The following NAT10 variants were observed in gnomAD, a reference collection of about 807,000 sequenced individuals.
The protein encoded by NAT10 is N-acetyltransferase 10.
In NAT10, 109 loss-of-function variants were observed where a neutral mutation model predicts 132.2. That is an observed-to-expected ratio of 0.82 (90% CI 0.71 to 0.97). NAT10 has a LOEUF of 0.97. Ranked by LOEUF, NAT10 falls within the 50% of genes least tolerant of loss-of-function variation. The pLI, the probability that NAT10 is intolerant of heterozygous loss-of-function variation, is 0.00. For synonymous variants in NAT10, 479 were observed against 478.0 expected (o/e 1.00, Z -0.03); for missense variants, 1,184 against 1,263.4 (o/e 0.94, Z 0.95).
At chr11:34,112,527 A>G (rs1408910892) in intron 4 of NAT10, among the ~76,000 whole-genome samples, 3 of 152,272 alleles carry the variant, frequency 2.0e-5, no homozygotes, top group Non-Finnish European at 2.9e-5. Flanking sequence ...GAGTGCCTCT[A>G]GGACCCTAGG....
intron 8 of NAT10, among the ~76,000 whole-genome samples, chr11:34,122,090 C>T (rs892784171): frequency 2.1e-4 from 32 of 151,970 alleles, no homozygotes; most frequent in Non-Finnish European, 4.6e-4. Flanking sequence ...GCAGGAAAAT[C>T]GCTTGAACCT....
chr11:34,137,867 G>C (rs1852246031), intron 21 of NAT10, among the ~76,000 whole-genome samples: 1 of 152,184 alleles, frequency 6.6e-6, no homozygotes, highest in Non-Finnish European at 1.5e-5. Context: ...AGTCAGCCCT[G>C]TTGAGAGGAT....
intron 11 of NAT10, among the ~76,000 whole-genome samples, chr11:34,126,107 A>G (rs780350577): frequency 6.6e-6 from 1 of 152,250 alleles, no homozygotes; most frequent in Non-Finnish European, 1.5e-5. Flanking sequence ...CCAATATAAC[A>G]TTCAGGCACC....
chr11:34,119,082 C>T (rs558700145), intron 8 of NAT10, among the ~76,000 whole-genome samples: 144 of 152,336 alleles, frequency 9.5e-4, no homozygotes, highest in African/African-American at 3.4e-3. Flanking sequence ...GGTTCCAGTG[C>T]GAGGCCTGAT....
At chr11:34,140,247 C>G (rs1852296092) in intron 23 of NAT10, among the ~76,000 whole-genome samples, 153 bp from the exon 24 acceptor site, 1 of 152,212 alleles carries the variant, frequency 6.6e-6, no homozygotes, top group South Asian at 2.1e-4. Context: ...ATGGCAGGAG[C>G]AGGTTTGGTG....
intron 7 of NAT10, 50 bp from the exon 8 acceptor site, chr11:34,118,346 T>C: frequency 6.2e-7 from 1 of 1,611,072 alleles, no homozygotes; most frequent in Non-Finnish European, 8.5e-7. Context: ...TTTTCTGTGT[T>C]GTTCCTCCTG....
At chr11:34,114,310 C>G (rs1287729834) in intron 5 of NAT10, among the ~76,000 whole-genome samples, 1 of 152,014 alleles carries the variant, frequency 6.6e-6, no homozygotes, top group Non-Finnish European at 1.5e-5. Flanking sequence ...GCAAAAGACA[C>G]TGACTGAGGA....
chr11:34,139,035 G>C (rs1300814584), intron 21 of NAT10, 156 bp from the exon 22 acceptor site: 11 of 622,804 alleles, frequency 1.8e-5, no homozygotes, highest in East Asian at 2.7e-5. Flanking sequence ...GTGAAGGCGA[G>C]GGCTGTTTGA....
In NAT10 at chr11:34,135,432, TTTAGATCC is replaced by T. The variant is rs1852191113; in HGVS notation, c.2028+143_2028+150del. On this transcript the variant is annotated intron_variant, in intron 19 of 28. Transcript: ENST00000257829. ...TCTGCTGCTTTCTCCTACCGAACAC[TTTAGATCC>T]TCAGATCAGTATCATTGGGATCATC... 3 of 670,322 alleles carry T rather than the reference TTTAGATCC, an allele frequency of 4.5e-6. No homozygotes were observed. In the African/African-American group the frequency reaches 5.4e-5, roughly 12 times the overall value. The allele number at this position is 670,322 out of a possible 1,614,324, so 41.5% of individuals were successfully genotyped here.
chr11:34,137,075 A>G (rs369055795), intron 21 of NAT10, 49 bp downstream of exon 21: 5 of 1,603,860 alleles, frequency 3.1e-6, no homozygotes, highest in Non-Finnish European at 4.3e-6. Flanking sequence ...CCGTTATGGT[A>G]GGTGACAGGC....
intron 21 of NAT10, among the ~76,000 whole-genome samples, chr11:34,137,831 C>T (rs889095195): frequency 3.9e-5 from 6 of 152,106 alleles, no homozygotes; most frequent in South Asian, 4.1e-4. Context: ...TGGTGTCACA[C>T]GTCAAGGTGA....
intron 5 of NAT10, among the ~76,000 whole-genome samples, chr11:34,114,388 C>CATA (rs1315304156): frequency 0.017 from 2,561 of 152,260 alleles, 51 homozygotes; most frequent in African/African-American, 0.058. Context: ...TCAGCGTTGC[C>CATA]AAGTCAGTGT....
rs777946161 is a variant in NAT10, at chr11:34,118,385, C to T, written c.673-11C>T. Reference sequence around the variant, plus strand: ...CAGTGACAGACCTTCCCCTTCTCCTCTCTCTGGTAGGATGAGAGTCTTGGT... The same window carrying T: ...CAGTGACAGACCTTCCCCTTCTCCTTTCTCTGGTAGGATGAGAGTCTTGGT... On this transcript the variant is annotated splice_polypyrimidine_tract_variant and intron_variant, in intron 7 of 28. Transcript: ENST00000257829. 1.9e-6 allele frequency: 3 copies of T among 1,613,538 alleles called. No homozygotes were observed. The African/African-American group carries it at 4.0e-5, about 22-fold the overall frequency.
intron 18 of NAT10, 123 bp downstream of exon 18, chr11:34,134,709 T>C (rs1852177422): frequency 1.2e-6 from 1 of 828,426 alleles, no homozygotes; most frequent in African/African-American, 1.7e-5. Flanking sequence ...ACTTCCCTGC[T>C]CTGGAGAATT....
chr11:34,134,541 T>C lies in NAT10; in HGVS notation c.1866T>C (p.Ser622=). Residue 622 remains serine, a synonymous_variant, in exon 18 of 29, where the codon TCT becomes TCC. Coordinates refer to ENST00000257829, the MANE Select transcript of NAT10 (RefSeq NM_024662.3). ...AAGATCCAGACTTTGGTGGTCTGTC[T>C]GGTGGAAGGGTCGTTCGCATTGCTG... ...QFQDPDFGGL[S]GGRVVRIAVH... is the part of the protein sequence containing the mutation. The C allele has an allele frequency of 6.2e-7, 1 of 1,614,178 alleles. No individual in the cohort carries two copies.
At position 34,120,206 on chromosome 11, in the gene NAT10, G is replaced by C. The variant is rs535992362; in HGVS notation, c.780+1703G>C. ...ATTTCCTCTGCCCACTTTTTACTTG[G>C]ATTTTGGCCTTTTTTGTATTGGTTC... On this transcript the variant is annotated intron_variant, in intron 8 of 28. Transcript: ENST00000257829. 1.9e-4 allele frequency among the ~76,000 whole-genome samples: 25 copies of C among 129,376 alleles called. No homozygotes were observed. The East Asian group carries it at 5.3e-3, about 27-fold the overall frequency. The allele number at this position is 129,376 out of a possible 152,430, so 84.9% of individuals were successfully genotyped here. A position where few individuals can be genotyped will look rare whatever the true frequency, so the allele number is the denominator to read the frequency against.
At chr11:34,144,115 A>G (rs143873762) in intron 28 of NAT10, among the ~76,000 whole-genome samples, 3 of 152,270 alleles carry the variant, frequency 2.0e-5, no homozygotes, top group African/African-American at 4.8e-5. Context: ...TTTGTTGGTT[A>G]TATCTATGGA....
chr11:34,123,008 T>A (rs1851922625), intron 9 of NAT10, among the ~76,000 whole-genome samples: 1 of 152,230 alleles, frequency 6.6e-6, no homozygotes, highest in Non-Finnish European at 1.5e-5. Context: ...GGAGCTGGTT[T>A]TAGGTGTGAT....
intron 4 of NAT10, among the ~76,000 whole-genome samples, chr11:34,113,175 C>T (rs889805687): frequency 3.3e-5 from 5 of 152,150 alleles, no homozygotes; most frequent in African/African-American, 9.7e-5. Context: ...GTAGCTCCCC[C>T]ATGTAGTATA....
Sources: allele counts gnomAD v4.1 joint callset (sites outside exome capture counted in the v4.1 genomes callset), GRCh38; gene constraint gnomAD v4.1.1; transcripts MANE v1.5; gene names NCBI Gene and HGNC (gene_info 2026-07-23, HGNC 2026-07-21).